CPED1: variants seen among roughly 807,000 people sequenced by gnomAD.
The protein encoded by CPED1 is cadherin-like and PC-esterase domain-containing protein 1.
A neutral mutation model predicts 128.2 loss-of-function variants in CPED1; 114 were observed. The ratio of observed to expected loss-of-function variants is 0.89; its 90% confidence interval spans 0.76 to 1.04. The LOEUF (loss-of-function observed/expected upper bound fraction) is 1.04, where lower values mean the gene tolerates loss of function less well. CPED1 is among the 50% of genes least tolerant of loss of function. The pLI is 0.00. For missense variants in CPED1, 1,211 were observed against 1,207.1 expected (o/e 1.00, Z -0.05); for synonymous variants, 462 against 426.7 (o/e 1.08, Z -1.02).
chr7:121,223,169 C>CTAAAATTT (rs1797925367), intron 16 of CPED1, among the ~76,000 whole-genome samples: 1 of 151,992 alleles, frequency 6.6e-6, no homozygotes, highest in Non-Finnish European at 1.5e-5. Flanking sequence ...GCATGAAGGG[C>CTAAAATTT]TGTTGAATTT....
intron 3 of CPED1, among the ~76,000 whole-genome samples, chr7:121,017,605 T>C (rs1168947222): frequency 1.3e-5 from 2 of 152,214 alleles, no homozygotes; most frequent in East Asian, 3.8e-4. Context: ...AAAATTCCTA[T>C]ATTTCCCTGC....
intron 17 of CPED1, among the ~76,000 whole-genome samples, chr7:121,242,587 T>G (rs1048297661): frequency 6.6e-6 from 1 of 152,150 alleles, no homozygotes; most frequent in Non-Finnish European, 1.5e-5. Context: ...TTCCTGAAAT[T>G]GCATAGAAAG....
chr7:121,060,955 C>T (rs540208057), intron 4 of CPED1, among the ~76,000 whole-genome samples: 10 of 151,794 alleles, frequency 6.6e-5, no homozygotes, highest in African/African-American at 2.4e-4. Flanking sequence ...CCGGGAGGAA[C>T]GAACAACTCC....
chr7:121,258,659 G>A (rs1791944108), intron 18 of CPED1, among the ~76,000 whole-genome samples: 1 of 152,078 alleles, frequency 6.6e-6, no homozygotes, highest in African/African-American at 2.4e-5. Context: ...CTACCTATGA[G>A]AAGGCACTAG....
In CPED1 at chr7:121,295,741, AT is replaced by A; in HGVS notation, c.*92del. The A allele has an allele frequency of 9.2e-7, 1 of 1,084,536 alleles. No homozygotes were observed. The highest frequency in any genetic ancestry group is 1.4e-6 in the Non-Finnish European group (1 of 721,516). The allele number at this position is 1,084,536 out of a possible 1,614,324, so 67.2% of individuals were successfully genotyped here. ...GAGCCAAGCGCTGCACATCGCACAC[AT>A]TTGGGATCGACCACACACACTTGTG... On this transcript the variant is annotated 3_prime_UTR_variant, in exon 23 of 23. Coordinates refer to ENST00000310396, the MANE Select transcript of CPED1 (RefSeq NM_024913.5).
At chr7:121,141,063 A>C (rs1482549997) in intron 15 of CPED1, 50 bp downstream of exon 15, 1 of 1,418,488 alleles carries the variant, frequency 7.0e-7, no homozygotes, top group Non-Finnish European at 9.4e-7. Flanking sequence ...TGGGAAGTAG[A>C]CATTTGATGC....
Position 121,005,165 on chromosome 7 carries a change from C to T in CPED1, c.250-10500C>T, listed in dbSNP as rs796819575. Among the ~76,000 whole-genome samples, 14 of 152,126 alleles carry T rather than the reference C, an allele frequency of 9.2e-5. 1 individual carries two copies. The South Asian group carries it at 2.3e-3, about 25-fold the overall frequency. On this transcript the variant is annotated intron_variant, in intron 2 of 22. Coordinates refer to ENST00000310396, the MANE Select transcript of CPED1 (RefSeq NM_024913.5). ...TCATTGTTTAACTCCTGCTTATGAGCGAGAACATGTGGAGTTTGGTTTTCT... is the reference window on the plus strand; with the variant it reads ...TCATTGTTTAACTCCTGCTTATGAGTGAGAACATGTGGAGTTTGGTTTTCT...
At chr7:121,266,876 G>C (rs1487661744) in intron 20 of CPED1, 68 bp downstream of exon 20, 2 of 1,059,148 alleles carry the variant, frequency 1.9e-6, no homozygotes, top group Admixed American at 1.8e-5. Context: ...ATGTGACTGA[G>C]TTTTATCCAG....
chr7:121,238,519 G>A (rs1407527655), intron 17 of CPED1, among the ~76,000 whole-genome samples: 2 of 151,950 alleles, frequency 1.3e-5, no homozygotes, highest in Non-Finnish European at 2.9e-5. Context: ...CTTCTTCCCA[G>A]TGCATCCTGG....
intron 14 of CPED1, among the ~76,000 whole-genome samples, chr7:121,138,876 C>T (rs952627073): frequency 6.6e-6 from 1 of 151,540 alleles, no homozygotes; most frequent in Non-Finnish European, 1.5e-5. Context: ...GGGTTTGCAG[C>T]CATTTGAATC....
chr7:121,224,456 C>T (rs571881506), intron 16 of CPED1, among the ~76,000 whole-genome samples: 1 of 152,210 alleles, frequency 6.6e-6, no homozygotes, highest in South Asian at 2.1e-4. Flanking sequence ...GTGGAGAGTT[C>T]TGTAGATGTC....
chr7:121,208,766 A>G (rs984667611), intron 16 of CPED1, among the ~76,000 whole-genome samples: 2 of 152,022 alleles, frequency 1.3e-5, no homozygotes, highest in African/African-American at 4.8e-5. Context: ...CGAACTCCAC[A>G]GTGTATGACC....
rs116207616 is a variant in CPED1, at chr7:120,999,683, C to T, written c.249+9813C>T. Among the ~76,000 whole-genome samples, 696 of 152,184 alleles carry T rather than the reference C, an allele frequency of 4.6e-3. 5 individuals carry two copies. The highest frequency in any genetic ancestry group is 0.016 in the African/African-American group (651 of 41,538). ...GATGTTATCAACACACTAACAGGTA[C>T]GCAACTTCCATAGAATTAGTTAGGC... On this transcript the variant is annotated intron_variant, in intron 2 of 22. Transcript: ENST00000310396.
intron 16 of CPED1, among the ~76,000 whole-genome samples, chr7:121,168,034 A>G (rs1276743361): frequency 6.6e-6 from 1 of 152,114 alleles, no homozygotes; most frequent in South Asian, 2.1e-4. Context: ...CTCCTGACCC[A>G]AAAGTCTATT....
intron 16 of CPED1, among the ~76,000 whole-genome samples, chr7:121,148,365 G>T (rs1159215518): frequency 6.6e-6 from 1 of 152,166 alleles, no homozygotes; most frequent in African/African-American, 2.4e-5. Context: ...TTTGTTATGT[G>T]CCAGGCATTA....
chr7:121,194,020 C>CTA (rs1412904591), intron 16 of CPED1, among the ~76,000 whole-genome samples: 32 of 79,042 alleles, frequency 4.0e-4, no homozygotes, highest in African/African-American at 1.6e-3. Flanking sequence ...CTCTCTCTCT[C>CTA]TCTATATATA....
chr7:121,189,218 A>C (rs1230019678), intron 16 of CPED1, among the ~76,000 whole-genome samples: 1 of 152,164 alleles, frequency 6.6e-6, no homozygotes, highest in East Asian at 1.9e-4. Flanking sequence ...AGTCCTGTAA[A>C]ATCAATGAAG....
At chr7:121,227,198 C>G (rs143305762) in intron 16 of CPED1, among the ~76,000 whole-genome samples, 1 of 152,040 alleles carries the variant, frequency 6.6e-6, no homozygotes, top group Non-Finnish European at 1.5e-5. Flanking sequence ...TTATGTTCTC[C>G]CCTTTTTTCT....
chr7:121,077,612 T>C (rs1794164260), intron 5 of CPED1, among the ~76,000 whole-genome samples: 1 of 151,710 alleles, frequency 6.6e-6, no homozygotes, highest in African/African-American at 2.4e-5. Flanking sequence ...AACCATATTG[T>C]TGAGTTAAAA....
Sources: allele counts gnomAD v4.1 joint callset (sites outside exome capture counted in the v4.1 genomes callset), GRCh38; gene constraint gnomAD v4.1.1; transcripts MANE v1.5; gene names NCBI Gene and HGNC (gene_info 2026-07-23, HGNC 2026-07-21).